Variants in RECQL5 observed in about 807,000 individuals in gnomAD.
RECQL5 encodes the protein ATP-dependent DNA helicase Q5.
Under a neutral mutation model 103.4 loss-of-function variants are expected in RECQL5, and 88 were observed. The observed-to-expected ratio is 0.85, with a 90% confidence interval of 0.72 to 1.02. The LOEUF is 1.02. Among genes scored for constraint, RECQL5 ranks in the 50% least tolerant of loss-of-function variants. RECQL5 has a pLI of 0.00. For missense variants in RECQL5, 1,232 were observed against 1,284.3 expected (o/e 0.96, Z 0.62); for synonymous variants, 552 against 507.9 (o/e 1.09, Z -1.17).
chr17:75,644,312 C>G lies in RECQL5; in HGVS notation c.1229+6874G>C, dbSNP rs74810627. Among the ~76,000 whole-genome samples, 508 of 151,264 alleles carry G rather than the reference C, an allele frequency of 3.4e-3. 2 individuals carry two copies. Among genetic ancestry groups the G allele is most frequent in the African/African-American group, 0.011 (464 of 41,186 alleles). On this transcript the variant is annotated intron_variant, in intron 8 of 19. Coordinates refer to ENST00000317905, the MANE Select transcript of RECQL5 (RefSeq NM_004259.7). Reference sequence around the variant, plus strand: ...AGAGTGAGATTCCGTCTCAAGCAAACAAACAAAAAACAACAACAGACCAGC... The same window carrying G: ...AGAGTGAGATTCCGTCTCAAGCAAAGAAACAAAAAACAACAACAGACCAGC...
At chr17:75,661,250 C>G (rs960240047) in intron 5 of RECQL5, among the ~76,000 whole-genome samples, 184 bp from the exon 6 acceptor site, 3 of 152,210 alleles carry the variant, frequency 2.0e-5, no homozygotes, top group Admixed American at 6.5e-5. Flanking sequence ...CACAAAGACC[C>G]TAGCCCATGT....
chr17:75,630,472 G>T, intron 13 of RECQL5, 147 bp downstream of exon 13: 1 of 959,300 alleles, frequency 1.0e-6, no homozygotes. Flanking sequence ...GCCTGGCCCT[G>T]GTGGGGTTGT....
At position 75,662,817 on chromosome 17, in the gene RECQL5, G is replaced by C. The variant is rs1243762239; in HGVS notation, c.433C>G (p.Leu145Val). The part of the protein sequence containing the change: ...SSSFQPTLNS[L>V]VSRHLLSYLV... ...TAAGACAGCAGGTGGCGGGACACCA[G>C]GGAGTTCAGGGTGGGCTGGAAGGAG... is the stretch of plus-strand genomic sequence containing the variant. Residue 145 changes from leucine (L) to valine (V), a missense_variant, in exon 4 of 20, where the codon CTG (leucine) becomes GTG (valine). Physicochemically the swap from Leu to Val is conservative, Grantham distance 32. Coordinates refer to ENST00000317905, the MANE Select transcript of RECQL5 (RefSeq NM_004259.7). 3 of 1,614,160 alleles carry C rather than the reference G, an allele frequency of 1.9e-6. No individual in the cohort carries two copies. Among genetic ancestry groups the C allele is most frequent in the African/African-American group, 2.7e-5 (2 of 75,058 alleles).
intron 6 of RECQL5, 117 bp from the exon 7 acceptor site, chr17:75,658,577 T>A (rs1195945349): frequency 1.7e-5 from 16 of 919,990 alleles, no homozygotes; most frequent in Non-Finnish European, 1.7e-6. Flanking sequence ...AGAGGGATAG[T>A]CCCAGAGTTA....
intron 7 of RECQL5, among the ~76,000 whole-genome samples, chr17:75,655,048 C>G (rs1188384606): frequency 1.3e-5 from 2 of 152,182 alleles, no homozygotes; most frequent in Non-Finnish European, 2.9e-5. Context: ...ATGTCATTCT[C>G]CCGAAGTGTT....
chr17:75,642,826 G>A (rs2148297631), intron 8 of RECQL5, among the ~76,000 whole-genome samples: 1 of 152,334 alleles, frequency 6.6e-6, no homozygotes, highest in Non-Finnish European at 1.5e-5. Context: ...TAGGTAACTT[G>A]TCTACATTCA....
At chr17:75,628,484 C>A in intron 17 of RECQL5, 42 bp from the exon 18 acceptor site, 1 of 1,594,600 alleles carries the variant, frequency 6.3e-7, no homozygotes, top group Non-Finnish European at 8.6e-7. Context: ...GAGCTCCCTT[C>A]CACTGGCCTG....
rs1038157833 is a variant in RECQL5, at chr17:75,664,933, A to G, written c.252+118T>C. 8.3e-6 allele frequency: 11 copies of G among 1,329,626 alleles called. No homozygotes were observed. In the African/African-American group the frequency reaches 1.1e-4, roughly 13 times the overall value. The allele number at this position is 1,329,626 out of a possible 1,614,324, so 82.4% of individuals were successfully genotyped here. On this transcript the variant is annotated intron_variant, in intron 3 of 19. Coordinates refer to ENST00000317905, the MANE Select transcript of RECQL5 (RefSeq NM_004259.7). ...GTCTCAAAAAAAAAAAAAAAAAAGG[A>G]AAAAGAAAAAGAAAAGAAAATAAGA...
intron 8 of RECQL5, among the ~76,000 whole-genome samples, chr17:75,635,400 AAC>A (rs1376727521): frequency 6.6e-6 from 1 of 152,198 alleles, no homozygotes; most frequent in Admixed American, 6.5e-5. Context: ...GGGTCTCTCC[AAC>A]ACAGTCCCTG....
rs761470559 is a variant in RECQL5, at chr17:75,661,091, AG to A, written c.875-26del. ...CCTGTAAAGGAGGGGAAGATGGAGA[AG>A]GGAACTCACATTTCCCTTGGGTTTA... is the stretch of plus-strand genomic sequence containing the variant. On this transcript the variant is annotated intron_variant, in intron 5 of 19. Transcript: ENST00000317905. 2.2e-5 allele frequency: 34 copies of A among 1,580,930 alleles called. No homozygotes were observed. The African/African-American group carries it at 4.6e-4, about 21-fold the overall frequency.
chr17:75,666,394 A>G, intron 2 of RECQL5, 34 bp downstream of exon 2: 1 of 1,613,018 alleles, frequency 6.2e-7, no homozygotes, highest in South Asian at 1.1e-5. Flanking sequence ...TATAGCCAGC[A>G]TAAATTTAAA....
chr17:75,661,775 A>T, intron 4 of RECQL5, 67 bp from the exon 5 acceptor site: 1 of 1,173,860 alleles, frequency 8.5e-7, no homozygotes, highest in Admixed American at 1.8e-5. Context: ...AGTGTAATGC[A>T]CCCTGCTCTA....
Position 75,630,286 on chromosome 17 carries a change from G to C in RECQL5, c.1719-9C>G, listed in dbSNP as rs1254303587. ...TGGCCCGGAGGTCAGCTCTGTGGGT[G>C]CAAGGTAACAGGCACAAGGTATCAG... On this transcript the variant is annotated splice_polypyrimidine_tract_variant and intron_variant, in intron 13 of 19. Transcript: ENST00000317905. The C allele has an allele frequency of 1.3e-6, 2 of 1,548,682 alleles. No homozygotes were observed. Among genetic ancestry groups the C allele is most frequent in the Admixed American group, 2.0e-5 (1 of 49,858 alleles).
chr17:75,631,596 G>A lies in RECQL5; in HGVS notation c.1302C>T (p.Cys434=). Residue 434 remains cysteine, a synonymous_variant, in exon 9 of 20, where the codon TGC becomes TGT. Coordinates refer to ENST00000317905, the MANE Select transcript of RECQL5 (RefSeq NM_004259.7). ...GCCTCCGCACGGCCGTGGGGTTCTG[G>A]CAGTGGTCGCAGCCTTTGGCGCAGG... ...LPACAKGCDH[C]QNPTAVRRRL... 6.2e-7 allele frequency: 1 copy of A among 1,612,896 alleles called. No individual in the cohort carries two copies. The highest frequency in any genetic ancestry group is 8.5e-7 in the Non-Finnish European group (1 of 1,179,888).
chr17:75,647,810 C>G (rs547438243), intron 8 of RECQL5: 10 of 458,850 alleles, frequency 2.2e-5, no homozygotes, highest in African/African-American at 1.8e-4. Context: ...GTTCCCCGAC[C>G]AGAACCCTAA....
chr17:75,660,548 T>C (rs1011518035), intron 6 of RECQL5, among the ~76,000 whole-genome samples: 2 of 152,226 alleles, frequency 1.3e-5, no homozygotes, highest in Non-Finnish European at 2.9e-5. Context: ...CACTAGGCCA[T>C]AAGAATTTTT....
At chr17:75,660,066 G>A (rs1002848258) in intron 6 of RECQL5, among the ~76,000 whole-genome samples, 7 of 151,896 alleles carry the variant, frequency 4.6e-5, no homozygotes, top group Non-Finnish European at 1.0e-4. Context: ...TTGGTTTTTG[G>A]TGTTTTTGTT....
chr17:75,661,435 CT>C (rs2059697875), intron 5 of RECQL5, among the ~76,000 whole-genome samples, 170 bp downstream of exon 5: 1 of 152,198 alleles, frequency 6.6e-6, no homozygotes, highest in Non-Finnish European at 1.5e-5. Context: ...CATTTTAGAC[CT>C]CATTCATGTC....
chr17:75,641,088 C>A, intron 8 of RECQL5: 1 of 1,023,774 alleles, frequency 9.8e-7, no homozygotes, highest in Non-Finnish European at 1.4e-6. Context: ...TAGGTGCAAA[C>A]CTCTCATCTG....
Sources: allele counts gnomAD v4.1 joint callset (sites outside exome capture counted in the v4.1 genomes callset), GRCh38; gene constraint gnomAD v4.1.1; transcripts MANE v1.5; gene names NCBI Gene and HGNC (gene_info 2026-07-23, HGNC 2026-07-21).